The following SETD3 variants were observed in gnomAD, a reference collection of about 807,000 sequenced individuals.
The protein encoded by SETD3 is SET domain containing 3, actin N3(tau)-histidine methyltransferase.
SETD3 carries 19 observed loss-of-function variants against 63.0 expected under a neutral mutation model. That is an observed-to-expected ratio of 0.30 (90% confidence interval 0.21 to 0.44). SETD3 has a LOEUF of 0.44. Ranked by LOEUF, SETD3 falls within the 20% of genes least tolerant of loss-of-function variation. SETD3 has a pLI of 1.00. For synonymous variants in SETD3, 286 were observed against 264.1 expected (o/e 1.08, Z -0.80); for missense variants, 587 against 728.5 (o/e 0.81, Z 2.24).
intron 8 of SETD3, among the ~76,000 whole-genome samples, chr14:99,408,012 T>C (rs1318683252): frequency 5.9e-5 from 9 of 152,198 alleles, no homozygotes; most frequent in South Asian, 4.1e-4. Flanking sequence ...AGGTTGTCTG[T>C]CGATGGTCAC....
At chr14:99,449,097 T>C (rs1163600950) in intron 6 of SETD3, among the ~76,000 whole-genome samples, 5 of 152,214 alleles carry the variant, frequency 3.3e-5, no homozygotes, top group South Asian at 2.1e-4. Context: ...CATACCGATA[T>C]GAACAGCTGA....
intron 6 of SETD3, chr14:99,444,299 A>C (rs1005000698): frequency 1.3e-5 from 2 of 152,178 alleles, no homozygotes; most frequent in Non-Finnish European, 2.9e-5. Flanking sequence ...AGCTAAAATG[A>C]ATTTCCATGC....
At chr14:99,460,619 G>A (rs1369501263) in intron 4 of SETD3, among the ~76,000 whole-genome samples, 1 of 152,098 alleles carries the variant, frequency 6.6e-6, no homozygotes, top group Non-Finnish European at 1.5e-5. Flanking sequence ...ACATGAGTGA[G>A]GGGTGAGAAG....
upstream of SETD3, among the ~76,000 whole-genome samples, chr14:99,484,104 G>C (rs1896423857): frequency 6.6e-6 from 1 of 152,256 alleles, no homozygotes; most frequent in Admixed American, 6.5e-5. Context: ...TTCCTGGCTT[G>C]ACAAAAGTGG....
chr14:99,463,626 A>G (rs1421782118), intron 2 of SETD3, 48 bp from the exon 3 acceptor site: 1 of 1,438,596 alleles, frequency 7.0e-7, no homozygotes, highest in Admixed American at 1.7e-5. Context: ...CTTTCAACTT[A>G]ACCTACTAGT....
intron 1 of SETD3, among the ~76,000 whole-genome samples, chr14:99,479,792 A>G (rs1245060450): frequency 1.3e-5 from 2 of 152,234 alleles, no homozygotes; most frequent in Admixed American, 1.3e-4. Context: ...CTTTTGAAAC[A>G]TCACCTTATT....
In SETD3 at chr14:99,459,165, C is replaced by G; in HGVS notation, c.366G>C (p.Trp122Cys). The G allele has an allele frequency of 6.2e-7, 1 of 1,611,280 alleles. No homozygotes were observed. Among genetic ancestry groups the G allele is most frequent in the Non-Finnish European group, 8.5e-7 (1 of 1,178,780 alleles). Residue 122 changes from tryptophan to cysteine, a missense_variant, in exon 5 of 13, where the codon TGG becomes TGC. By Grantham distance (215) the Trp-to-Cys change is radical. Coordinates refer to ENST00000331768, the MANE Select transcript of SETD3 (RefSeq NM_032233.3). ...RDIKAEELFLWVPRKLLMTVE... is the reference protein window; with the variant it reads ...RDIKAEELFLCVPRKLLMTVE... ...CAGTCATTAGCAATTTTCGTGGAAC[C>G]CATAAAAACAATTCTTCTGCCTAGG...
intron 6 of SETD3, among the ~76,000 whole-genome samples, chr14:99,452,752 A>G (rs1894529141): frequency 6.6e-6 from 1 of 152,216 alleles, no homozygotes; most frequent in Non-Finnish European, 1.5e-5. Flanking sequence ...CCGGGGATGC[A>G]CAGAACTGAA....
chr14:99,424,234 A>C (rs1212516996), intron 6 of SETD3, among the ~76,000 whole-genome samples: 2 of 152,240 alleles, frequency 1.3e-5, no homozygotes, highest in Non-Finnish European at 2.9e-5. Flanking sequence ...TTTGAAATCC[A>C]GGTCAGCTGA....
At chr14:99,437,655 ATG>A (rs1893559878) in intron 6 of SETD3, among the ~76,000 whole-genome samples, 2 of 152,178 alleles carry the variant, frequency 1.3e-5, no homozygotes, top group East Asian at 3.9e-4. Flanking sequence ...GTGTGATATG[ATG>A]TGTGTGCGTG....
At chr14:99,452,627 G>T (rs1009472485) in intron 6 of SETD3, among the ~76,000 whole-genome samples, 6 of 152,202 alleles carry the variant, frequency 3.9e-5, no homozygotes, top group African/African-American at 1.4e-4. Flanking sequence ...ATAAATACCA[G>T]AAGTCAGTAC....
chr14:99,427,976 G>A (rs901423575), intron 6 of SETD3, among the ~76,000 whole-genome samples: 7 of 152,300 alleles, frequency 4.6e-5, no homozygotes, highest in South Asian at 2.1e-4. Context: ...AGAGAGTACC[G>A]GAAATGGCAG....
intron 6 of SETD3, among the ~76,000 whole-genome samples, chr14:99,416,886 C>T (rs1285744652): frequency 6.6e-6 from 1 of 152,176 alleles, no homozygotes; most frequent in Non-Finnish European, 1.5e-5. Flanking sequence ...CCCAGGGACG[C>T]ACTCTTCCCC....
chr14:99,443,669 C>T (rs1393253250), intron 6 of SETD3, among the ~76,000 whole-genome samples: 1 of 152,100 alleles, frequency 6.6e-6, no homozygotes, highest in Non-Finnish European at 1.5e-5. Flanking sequence ...CCTGTAATTC[C>T]AAGCAGGTGC....
intron 6 of SETD3, among the ~76,000 whole-genome samples, chr14:99,419,241 A>AT (rs1377218371): frequency 1.3e-5 from 2 of 152,334 alleles, no homozygotes; most frequent in Non-Finnish European, 2.9e-5. Context: ...TACACACTGA[A>AT]TTAAGATTTT....
intron 1 of SETD3, among the ~76,000 whole-genome samples, chr14:99,466,139 A>G (rs994731674): frequency 1.3e-5 from 2 of 152,160 alleles, no homozygotes; most frequent in Admixed American, 1.3e-4. Flanking sequence ...AGGATACTAG[A>G]GAGATAAAAC....
upstream of SETD3, chr14:99,480,961 G>T (rs2277462): frequency 1.3e-5 from 2 of 152,970 alleles, no homozygotes; most frequent in African/African-American, 4.8e-5. Context: ...TCGGACGCAT[G>T]GGCGCGGCCC....
chr14:99,467,162 A>G (rs979432923), intron 1 of SETD3, among the ~76,000 whole-genome samples: 2 of 152,258 alleles, frequency 1.3e-5, no homozygotes, highest in Non-Finnish European at 2.9e-5. Context: ...TCTAACGTAT[A>G]AAGAATAATG....
At chr14:99,482,119 T>G (rs896079624), upstream of SETD3, among the ~76,000 whole-genome samples, 1 of 152,242 alleles carries the variant, frequency 6.6e-6, no homozygotes, top group Non-Finnish European at 1.5e-5. Context: ...TAAACGATTG[T>G]CTGCCCAAGA....
Sources: allele counts gnomAD v4.1 joint callset (sites outside exome capture counted in the v4.1 genomes callset), GRCh38; gene constraint gnomAD v4.1.1; transcripts MANE v1.5; gene names NCBI Gene and HGNC (gene_info 2026-07-23, HGNC 2026-07-21).